The following PLEKHA5 variants were observed in gnomAD, a reference collection of about 807,000 sequenced individuals.
PLEKHA5 encodes the protein pleckstrin homology domain containing A5, also known as pleckstrin homology domain-containing family A member 5.
Under a neutral mutation model 181.9 loss-of-function variants are expected in PLEKHA5, and 55 were observed. The observed-to-expected ratio is 0.30, with a 90% confidence interval of 0.24 to 0.38. PLEKHA5 has a LOEUF of 0.38. Ranked by LOEUF, PLEKHA5 falls within the 10% of genes least tolerant of loss-of-function variation. The probability of loss-of-function intolerance (pLI) is 1.00; values close to 1 mark genes in which losing one functional copy is unlikely to be tolerated. For missense variants in PLEKHA5, 1,432 were observed against 1,549.5 expected, an observed-to-expected ratio of 0.92 and a Z score of 1.27; for synonymous variants, 535 against 529.4, an observed-to-expected ratio of 1.01 and a Z score of -0.15.
rs370064543 is a variant in PLEKHA5 at position 19,189,416 on chromosome 12, A to G, written c.227+56966A>G. Among the ~76,000 whole-genome samples, 4 of 152,220 alleles carry G rather than the reference A, an allele frequency of 2.6e-5. No individual in the cohort carries two copies. In the East Asian group the frequency reaches 5.8e-4, roughly 22 times the overall value. Reference sequence around the variant, plus strand: ...TGGAGATTTTGCAGATAGACTACATAGGATTTCTTGGGTTAGAAGAGAGGA... The same window carrying G: ...TGGAGATTTTGCAGATAGACTACATGGGATTTCTTGGGTTAGAAGAGAGGA... On this transcript the variant is annotated intron_variant, in intron 3 of 31. Transcript: ENST00000429027.
Position 19,365,972 on chromosome 12 carries a change from A to G in PLEKHA5, c.3617A>G (p.Asp1206Gly). ...CAATCTATTTTCATCAGCCCTCAAG[A>G]TGAAACACAGACCGCAAATCATAAA... Reference protein sequence around the residue: ...MPEDVTFSPQDETQTANHKPE... With the variant: ...MPEDVTFSPQGETQTANHKPE... Residue 1206 changes from aspartate (D) to glycine (G), a missense_variant, in exon 30 of 32, where the codon GAT (aspartate) becomes GGT (glycine). By Grantham distance (94) the Asp-to-Gly change is moderately conservative. Around this residue, in one of 2 missense-constraint regions of PLEKHA5, gnomAD observed 1,143 missense variants for 1,168.4 expected, o/e 0.98. Transcript: ENST00000429027. 6.2e-7 allele frequency: 1 copy of G among 1,607,718 alleles called. No individual in the cohort carries two copies. The highest frequency in any genetic ancestry group is 8.5e-7 in the Non-Finnish European group (1 of 1,178,288).
rs563472559 is a variant in PLEKHA5 at position 19,308,509 on chromosome 12, A to G, written c.2038-6305A>G. 7.9e-5 allele frequency among the ~76,000 whole-genome samples: 12 copies of G among 152,342 alleles called. No homozygotes were observed. The South Asian group carries it at 1.0e-3, about 13-fold the overall frequency. Reference sequence around the variant, plus strand: ...TGCTTCATAACAAAAATGAAAAGCTATATACATCTACAGCCAGAATGGATT... The same window carrying G: ...TGCTTCATAACAAAAATGAAAAGCTGTATACATCTACAGCCAGAATGGATT... On this transcript the variant is annotated intron_variant, in intron 15 of 31. Transcript: ENST00000429027.
chr12:19,232,299 T>C (rs545800066), intron 3 of PLEKHA5, among the ~76,000 whole-genome samples: 8 of 152,156 alleles, frequency 5.3e-5, no homozygotes, highest in Admixed American at 3.3e-4. Flanking sequence ...GTGAGGGAGA[T>C]TGGGGTAGAT....
At chr12:19,332,751 C>T (rs2092972770) in intron 20 of PLEKHA5, among the ~76,000 whole-genome samples, 1 of 152,220 alleles carries the variant, frequency 6.6e-6, no homozygotes, top group Admixed American at 6.5e-5. Context: ...GCAACCTGCA[C>T]CTCGCTCAAG....
intron 10 of PLEKHA5, among the ~76,000 whole-genome samples, chr12:19,273,011 A>G (rs976302517): frequency 1.3e-5 from 2 of 152,022 alleles, no homozygotes; most frequent in African/African-American, 2.4e-5. Flanking sequence ...GGTTCAAGCA[A>G]TTCTCCTGCC....
At chr12:19,132,296 A>G in intron 2 of PLEKHA5, 97 bp from the exon 3 acceptor site, 1 of 714,276 alleles carries the variant, frequency 1.4e-6, no homozygotes. Flanking sequence ...CTACTTAATT[A>G]AAACAGCTAA....
intron 3 of PLEKHA5, among the ~76,000 whole-genome samples, chr12:19,209,175 C>T (rs933233275): frequency 2.0e-5 from 3 of 151,994 alleles, no homozygotes; most frequent in Non-Finnish European, 4.4e-5. Flanking sequence ...ATGAATTCTG[C>T]TAAAATTGAA....
chr12:19,227,753 A>G (rs2059900438), intron 3 of PLEKHA5, among the ~76,000 whole-genome samples: 1 of 152,184 alleles, frequency 6.6e-6, no homozygotes, highest in Admixed American at 6.5e-5. Context: ...GCAAGAAAAA[A>G]AGAATGGGCA....
chr12:19,280,765 C>A (rs1472639596), intron 11 of PLEKHA5, among the ~76,000 whole-genome samples: 1 of 149,174 alleles, frequency 6.7e-6, no homozygotes, highest in Non-Finnish European at 1.5e-5. Context: ...GAGTGTCTGT[C>A]ACCAGCACGA....
At chr12:19,235,283 TTA>T (rs2061244873) in intron 3 of PLEKHA5, among the ~76,000 whole-genome samples, 1 of 152,210 alleles carries the variant, frequency 6.6e-6, no homozygotes, top group Non-Finnish European at 1.5e-5. Flanking sequence ...TTAGCACCAG[TTA>T]TGTTGCGTGC....
chr12:19,317,322 C>T (rs1346467473), intron 16 of PLEKHA5, among the ~76,000 whole-genome samples: 2 of 151,680 alleles, frequency 1.3e-5, no homozygotes, highest in African/African-American at 4.8e-5. Flanking sequence ...CCACTGTGCT[C>T]TAGCCTGGTG....
At chr12:19,366,178 G>A (rs2095416737) in intron 30 of PLEKHA5, 69 bp downstream of exon 30, 2 of 1,307,038 alleles carry the variant, frequency 1.5e-6, no homozygotes, top group South Asian at 2.6e-5. Context: ...ATTTTCCATG[G>A]GGAGATTCTA....
chr12:19,214,345 G>A (rs1361533307), intron 3 of PLEKHA5, among the ~76,000 whole-genome samples: 1 of 152,194 alleles, frequency 6.6e-6, no homozygotes, highest in Non-Finnish European at 1.5e-5. Flanking sequence ...GACCTTTGCT[G>A]AGGCAATAGG....
In PLEKHA5 at chr12:19,283,680, G is replaced by A. The variant is rs151212057; in HGVS notation, c.1714G>A (p.Val572Met). ...YSPQRTYRSE[V>M]SSPIQRGDVT... ...CCCTCAACGAACTTACAGATCGGAAGTGTCTTCACCAATTCAGAGAGGAGA... is the reference window on the plus strand; with the variant it reads ...CCCTCAACGAACTTACAGATCGGAAATGTCTTCACCAATTCAGAGAGGAGA... Residue 572 changes from valine to methionine, a missense_variant, in exon 12 of 32, where the codon GTG becomes ATG. Physicochemically the swap from Val to Met is conservative, Grantham distance 21 (BLOSUM62 1). This residue lies in a region of PLEKHA5 where 1,143 missense variants were observed against 1,168.4 expected (regional missense o/e 0.98). Transcript: ENST00000429027. The A allele has an allele frequency of 1.3e-5, 21 of 1,614,048 alleles. No individual in the cohort carries two copies. In the Admixed American group the frequency reaches 1.7e-4, roughly 13 times the overall value.
intron 3 of PLEKHA5, among the ~76,000 whole-genome samples, chr12:19,166,453 C>T (rs527934244): frequency 3.7e-4 from 57 of 152,194 alleles, no homozygotes; most frequent in Admixed American, 1.2e-3. Context: ...TCTTTTCCTG[C>T]GGGTTTTTTG....
At chr12:19,260,196 G>T (rs1375032381) in intron 6 of PLEKHA5, among the ~76,000 whole-genome samples, 1 of 152,002 alleles carries the variant, frequency 6.6e-6, no homozygotes, top group Non-Finnish European at 1.5e-5. Context: ...GTATATTAAG[G>T]TTTCTTTATT....
intron 3 of PLEKHA5, among the ~76,000 whole-genome samples, chr12:19,167,528 C>G (rs1000375919): frequency 2.7e-5 from 4 of 145,810 alleles, no homozygotes; most frequent in African/African-American, 1.0e-4. Flanking sequence ...GAAATCCTGT[C>G]TCTTCCCTGT....
At chr12:19,165,066 C>G (rs1192823825) in intron 3 of PLEKHA5, among the ~76,000 whole-genome samples, 3 of 152,060 alleles carry the variant, frequency 2.0e-5, no homozygotes, top group African/African-American at 7.2e-5. Flanking sequence ...AAAAATACCC[C>G]GTTCTGTCCT....
At chr12:19,180,926 G>A (rs2048394459) in intron 3 of PLEKHA5, among the ~76,000 whole-genome samples, 1 of 151,622 alleles carries the variant, frequency 6.6e-6, no homozygotes, top group African/African-American at 2.4e-5. Flanking sequence ...GACACCTCTG[G>A]TGTGGAGCCT....
Sources: gnomAD v4.1 joint callset for allele counts (sites outside exome capture counted in the v4.1 genomes callset) on GRCh38, gnomAD v4.1.1 for gene constraint, gnomAD v4.1.1 regional missense constraint, MANE v1.5 for transcripts, NCBI Gene and HGNC (gene_info 2026-07-23, HGNC 2026-07-21) for gene names.